The following R3HDM1 variants were observed in gnomAD, a reference collection of about 807,000 sequenced individuals.
R3HDM1 encodes R3H domain-containing protein 1.
Under a neutral mutation model 141.1 loss-of-function variants are expected in R3HDM1, and 46 were observed. The ratio of observed to expected loss-of-function variants is 0.33; its 90% CI spans 0.26 to 0.42. The LOEUF (loss-of-function observed/expected upper bound fraction) is 0.42. Ranked by LOEUF, R3HDM1 falls within the 10% of genes least tolerant of loss-of-function variation. The pLI, the probability that R3HDM1 is intolerant of heterozygous loss-of-function variation, is 1.00. For missense variants in R3HDM1, 1,184 were observed against 1,368.3 expected (o/e 0.87, Z 2.12); for synonymous variants, 435 against 472.9 (o/e 0.92, Z 1.04).
intron 9 of R3HDM1, among the ~76,000 whole-genome samples, chr2:135,634,365 G>A (rs955446965): frequency 6.6e-6 from 1 of 152,156 alleles, no homozygotes. Context: ...CTAGGGCCAG[G>A]CGCAATGTCT....
chr2:135,565,322 AATT>A (rs72174180), intron 1 of R3HDM1, among the ~76,000 whole-genome samples: 17,784 of 143,030 alleles, frequency 0.12, 1,320 homozygotes, highest in South Asian at 0.26. Context: ...AATGAAAAAA[AATT>A]ATTATTATTA....
chr2:135,584,648 G>A (rs1318770885), intron 1 of R3HDM1, among the ~76,000 whole-genome samples: 2 of 152,104 alleles, frequency 1.3e-5, no homozygotes, highest in South Asian at 4.1e-4. Context: ...ATTAGAGGAA[G>A]GCCTCTACTT....
intron 1 of R3HDM1, among the ~76,000 whole-genome samples, chr2:135,537,442 AT>A (rs1696441316): frequency 6.6e-6 from 1 of 150,416 alleles, no homozygotes; most frequent in South Asian, 2.1e-4. Flanking sequence ...ACGAGCCATC[AT>A]GCCAGCTAAT....
intron 20 of R3HDM1, among the ~76,000 whole-genome samples, chr2:135,675,965 G>A (rs2069113643): frequency 1.3e-5 from 2 of 152,182 alleles, no homozygotes; most frequent in African/African-American, 4.8e-5. Flanking sequence ...AGTTTCCTGT[G>A]CTGTGACTGA....
At position 135,622,687 on chromosome 2, in the gene R3HDM1, T is replaced by C; in HGVS notation, c.452T>C (p.Ile151Thr). ...CAAGAATACACTGATTCAACTGGCATAGATCTACATGAATTTTTAGTAAAT... is the reference window on the plus strand; with the variant it reads ...CAAGAATACACTGATTCAACTGGCACAGATCTACATGAATTTTTAGTAAAT... ...SSQEYTDSTG[I>T]DLHEFLVNTL... Residue 151 changes from isoleucine (I) to threonine (T), a missense_variant, in exon 7 of 27, where the codon ATA becomes ACA. Around this residue, in one of 5 missense-constraint regions of R3HDM1, gnomAD observed 192 missense variants for 215.7 expected, o/e 0.89. Transcript: ENST00000683871. 1 of 1,602,402 alleles carries C rather than the reference T, an allele frequency of 6.2e-7. No individual in the cohort carries two copies. Among genetic ancestry groups the C allele is most frequent in the Non-Finnish European group, 8.5e-7 (1 of 1,173,162 alleles).
intron 1 of R3HDM1, chr2:135,597,155 A>T: frequency 1.0e-6 from 1 of 977,446 alleles, no homozygotes; most frequent in Non-Finnish European, 1.2e-6. Context: ...TCAACTACCA[A>T]AAGTCTTTCC....
In R3HDM1 at chr2:135,675,359, A is replaced by G; in HGVS notation, c.2180A>G (p.Gln727Arg). 6.2e-7 allele frequency: 1 copy of G among 1,614,002 alleles called. No individual in the cohort carries two copies. Among genetic ancestry groups the G allele is most frequent in the South Asian group, 1.1e-5 (1 of 91,070 alleles). ...TGYQVIPNQQ[Q>R]NYQGIVGVQQ... ...TATCAAGTTATACCCAACCAGCAGC[A>G]AAACTACCAAGGAATAGTTGGAGTT... Residue 727 changes from glutamine (Q) to arginine (R), a missense_variant, in exon 20 of 27, where the codon CAA (glutamine) becomes CGA (arginine). This residue lies in a region of R3HDM1 where 563 missense variants were observed against 562.0 expected (regional missense o/e 1.00). Transcript: ENST00000683871.
At chr2:135,641,429 A>G in intron 14 of R3HDM1, 107 bp from the exon 15 acceptor site, 4 of 1,269,658 alleles carry the variant, frequency 3.2e-6, no homozygotes, top group Non-Finnish European at 4.3e-6. Context: ...CAATGCTTTT[A>G]TGTAGTAACT....
intron 3 of R3HDM1, 25 bp from the exon 4 acceptor site, chr2:135,616,127 A>T: frequency 6.2e-7 from 1 of 1,606,152 alleles, no homozygotes; most frequent in Non-Finnish European, 8.5e-7. Flanking sequence ...ATGAAATTTA[A>T]TACAAATCTT....
In R3HDM1 at chr2:135,675,448, G is replaced by GTA; in HGVS notation, c.2269_2270insTA (p.Gly757ValfsTer64). The stretch of plus-strand genomic sequence containing the variant: ...CAACAGCATTGGAAATCAGATTCAA[G>GTA]GAGTGGTCATCCCCTATACTTCAGT... On this transcript the variant is annotated frameshift_variant, in exon 20 of 27. Transcript: ENST00000683871. LOFTEE classifies it high-confidence loss of function. 6.2e-7 allele frequency: 1 copy of GTA among 1,613,924 alleles called. No individual in the cohort carries two copies. Among genetic ancestry groups the GTA allele is most frequent in the Non-Finnish European group, 8.5e-7 (1 of 1,179,880 alleles).
chr2:135,635,563 A>G (rs2063169782), intron 9 of R3HDM1, among the ~76,000 whole-genome samples: 1 of 152,226 alleles, frequency 6.6e-6, no homozygotes, highest in Admixed American at 6.5e-5. Context: ...CCATTTTACA[A>G]ATAAAGAAAC....
At chr2:135,535,499 A>AAAAT (rs3050151) in intron 1 of R3HDM1, among the ~76,000 whole-genome samples, 11,162 of 143,752 alleles carry the variant, frequency 0.078, 639 homozygotes, top group African/African-American at 0.16. Context: ...CTTTGTCTCA[A>AAAAT]AAATAAATAA....
intron 21 of R3HDM1, among the ~76,000 whole-genome samples, chr2:135,708,172 A>G (rs2075172672): frequency 6.6e-6 from 1 of 152,234 alleles, no homozygotes; most frequent in Non-Finnish European, 1.5e-5. Context: ...GTATTTCAGC[A>G]TATGTATCCC....
At chr2:135,596,533 C>T (rs1167082497) in intron 1 of R3HDM1, among the ~76,000 whole-genome samples, 1 of 152,054 alleles carries the variant, frequency 6.6e-6, no homozygotes, top group East Asian at 1.9e-4. Flanking sequence ...TTACCCAATC[C>T]CTTTCATTTC....
rs2059934409 is a variant in R3HDM1 at position 135,605,118 on chromosome 2, T to C, written c.171+102T>C. 7 of 1,061,514 alleles carry C rather than the reference T, an allele frequency of 6.6e-6. 1 individual carries two copies. In the South Asian group the frequency reaches 6.8e-5, roughly 10 times the overall value. 65.8% of individuals were successfully genotyped at this position (1,061,514 alleles called of 1,614,324 possible). On this transcript the variant is annotated intron_variant, in intron 3 of 26. Coordinates refer to ENST00000683871, the MANE Select transcript of R3HDM1 (RefSeq NM_001378107.1). ...CTTCTCAAAATTCTAAAAGGGTAAG[T>C]TGACCCTTCGTGACATGCTTACTAG...
Position 135,722,500 on chromosome 2 carries a change from G to A in R3HDM1, c.2996G>A (p.Gly999Glu). 1 of 1,613,822 alleles carries A rather than the reference G, an allele frequency of 6.2e-7. No individual in the cohort carries two copies. The highest frequency in any genetic ancestry group is 2.2e-5 in the East Asian group (1 of 44,882). Residue 999 changes from glycine (G) to glutamate (E), a missense_variant, in exon 26 of 27, where the codon GGA (glycine) becomes GAA (glutamate). Coordinates refer to ENST00000683871, the MANE Select transcript of R3HDM1 (RefSeq NM_001378107.1). ...GQPGSRHGNR[G>E]RRQAKKAAST... The stretch of plus-strand genomic sequence containing the variant: ...CCTGGCAGCAGGCATGGAAACCGAG[G>A]AAGGAGACAAGCTAAAAAAGCTGCA...
intron 3 of R3HDM1, among the ~76,000 whole-genome samples, chr2:135,610,744 C>T (rs1241453569): frequency 6.6e-6 from 1 of 152,012 alleles, no homozygotes; most frequent in Non-Finnish European, 1.5e-5. Flanking sequence ...TTTTAAAGGA[C>T]TGAATAAAAG....
chr2:135,722,359 C>G lies in R3HDM1; in HGVS notation c.2965-110C>G, dbSNP rs1258217281. On this transcript the variant is annotated intron_variant, in intron 25 of 26. Coordinates refer to ENST00000683871, the MANE Select transcript of R3HDM1 (RefSeq NM_001378107.1). Reference sequence around the variant, plus strand: ...AAGGCCTGGGACTGATTTTCTTCTGCCAGAGTGCAAAACCCAAACTAAAGG... The same window carrying G: ...AAGGCCTGGGACTGATTTTCTTCTGGCAGAGTGCAAAACCCAAACTAAAGG... The G allele has an allele frequency of 2.7e-6, 3 of 1,120,722 alleles. No individual in the cohort carries two copies. In the African/African-American group the frequency reaches 4.7e-5, roughly 18 times the overall value. 69.4% of individuals were successfully genotyped at this position (1,120,722 alleles called of 1,614,324 possible). A position where few individuals can be genotyped will look rare whatever the true frequency, so the allele number is the denominator to read the frequency against.
At chr2:135,557,428 A>C (rs1700996957) in intron 1 of R3HDM1, among the ~76,000 whole-genome samples, 1 of 152,226 alleles carries the variant, frequency 6.6e-6, no homozygotes, top group Non-Finnish European at 1.5e-5. Flanking sequence ...AAACTCAACA[A>C]AACAGGAGTC....
Sources: allele counts gnomAD v4.1 joint callset (sites outside exome capture counted in the v4.1 genomes callset), GRCh38; gene constraint gnomAD v4.1.1; regional missense constraint gnomAD v4.1.1; transcripts MANE v1.5; gene names NCBI Gene and HGNC (gene_info 2026-07-23, HGNC 2026-07-21).